Variants in PUM2 observed in about 807,000 individuals in gnomAD.
The protein encoded by PUM2 is pumilio homolog 2.
PUM2 carries 57 observed loss-of-function variants against 124.5 expected under a neutral mutation model. The ratio of observed to expected loss-of-function variants is 0.46; its 90% confidence interval spans 0.37 to 0.57. The LOEUF (loss-of-function observed/expected upper bound fraction) is 0.57. Among genes scored for constraint, PUM2 ranks in the 20% least tolerant of loss-of-function variants. PUM2 has a pLI of 0.00. For missense variants in PUM2, 1,065 were observed against 1,290.6 expected, an observed-to-expected ratio of 0.83 and a Z score of 2.68; for synonymous variants, 460 against 446.1, an observed-to-expected ratio of 1.03 and a Z score of -0.39.
chr2:20,318,057 T>C (rs1432324481), intron 3 of PUM2, among the ~76,000 whole-genome samples: 2 of 152,226 alleles, frequency 1.3e-5, no homozygotes, highest in Admixed American at 6.5e-5. Context: ...TACCCAATAA[T>C]GGGATTGCTG....
chr2:20,309,770 C>A (rs1048677455), intron 5 of PUM2, among the ~76,000 whole-genome samples: 9 of 152,104 alleles, frequency 5.9e-5, no homozygotes, highest in African/African-American at 2.2e-4. Flanking sequence ...TTCAGGTGGT[C>A]TGAATTGGAA....
chr2:20,281,286 A>G (rs1449915741), intron 12 of PUM2, among the ~76,000 whole-genome samples: 2 of 152,188 alleles, frequency 1.3e-5, no homozygotes, highest in Admixed American at 6.5e-5. Context: ...TGTGAAGGTT[A>G]GTTTTGGGGA....
intron 10 of PUM2, among the ~76,000 whole-genome samples, chr2:20,287,340 T>C (rs1358607679): frequency 6.6e-6 from 1 of 152,130 alleles, no homozygotes; most frequent in East Asian, 1.9e-4. Flanking sequence ...GGAGTAATTA[T>C]CAATGAATGA....
Position 20,269,436 on chromosome 2 carries a change from C to T in PUM2, c.1958-5976G>A, listed in dbSNP as rs576650823. Among the ~76,000 whole-genome samples the T allele has an allele frequency of 5.9e-5, 9 of 152,122 alleles. No individual in the cohort carries two copies. In the South Asian group the frequency reaches 1.7e-3, roughly 28 times the overall value. On this transcript the variant is annotated intron_variant, in intron 13 of 20. Transcript: ENST00000361078. ...CAGGATGGTCTTGATCTCCTGACCTCGTGATCCACCTGCCTTGGCCTCCCA... is the reference window on the plus strand; with the variant it reads ...CAGGATGGTCTTGATCTCCTGACCTTGTGATCCACCTGCCTTGGCCTCCCA...
chr2:20,251,656 A>C lies in PUM2; in HGVS notation c.3124T>G (p.Leu1042Val). 2 of 1,613,684 alleles carry C rather than the reference A, an allele frequency of 1.2e-6. No homozygotes were observed. Among genetic ancestry groups the C allele is most frequent in the African/African-American group, 1.3e-5 (1 of 74,980 alleles). The part of the protein sequence containing the change: ...YTYGKHILAK[L>V]EKYYLKNSPD... The stretch of plus-strand genomic sequence containing the variant: ...CTATTCTTCAAATAATACTTTTCCA[A>C]CTTGGCCAGTATATGCTTCCCGTAT... Residue 1042 changes from leucine to valine, a missense_variant, in exon 21 of 21, where the codon TTG (leucine) becomes GTG (valine). By Grantham distance (32) the Leu-to-Val change is conservative. This residue lies in a region of PUM2 where 968 missense variants were observed against 1,159.8 expected (regional missense o/e 0.83). Transcript: ENST00000361078.
chr2:20,254,839 T>G, intron 19 of PUM2, 24 bp downstream of exon 19: 1 of 1,608,468 alleles, frequency 6.2e-7, no homozygotes, highest in Admixed American at 1.7e-5. Flanking sequence ...AATTGACCCT[T>G]AAAATTACAA....
intron 9 of PUM2, 113 bp from the exon 10 acceptor site, chr2:20,290,903 T>A: frequency 1.2e-6 from 1 of 825,954 alleles, no homozygotes; most frequent in Non-Finnish European, 1.8e-6. Context: ...TTTAAACATT[T>A]ACATGCAAGG....
intron 19 of PUM2, 116 bp downstream of exon 19, chr2:20,254,747 T>C (rs192275331): frequency 2.6e-6 from 3 of 1,136,040 alleles, no homozygotes; most frequent in East Asian, 2.6e-5. Context: ...ATTTTAATGA[T>C]ACCAAAAAAA....
intron 13 of PUM2, among the ~76,000 whole-genome samples, chr2:20,268,015 C>G (rs571615662): frequency 6.6e-6 from 1 of 152,078 alleles, no homozygotes; most frequent in Non-Finnish European, 1.5e-5. Context: ...GCAGGTCCTC[C>G]GCGGGGCAAG....
chr2:20,303,468 A>T (rs1677488542), intron 7 of PUM2, among the ~76,000 whole-genome samples: 1 of 151,666 alleles, frequency 6.6e-6, no homozygotes, highest in Non-Finnish European at 1.5e-5. Context: ...GAGAAAAAAA[A>T]ACCTGCTGGG....
At chr2:20,262,765 A>G (rs1666611584) in intron 14 of PUM2, among the ~76,000 whole-genome samples, 1 of 152,222 alleles carries the variant, frequency 6.6e-6, no homozygotes, top group African/African-American at 2.4e-5. Flanking sequence ...GTAAAAAGGC[A>G]CCAAATTTTC....
chr2:20,299,342 G>A (rs963925567), intron 7 of PUM2, among the ~76,000 whole-genome samples: 4 of 152,018 alleles, frequency 2.6e-5, no homozygotes, highest in African/African-American at 9.7e-5. Flanking sequence ...GAAGTAGTCT[G>A]TGTTGTCATG....
At position 20,255,326 on chromosome 2, in the gene PUM2, T is replaced by C; in HGVS notation, c.2638A>G (p.Thr880Ala). Reference sequence around the variant, plus strand: ...ATTACTCTGCAGCCATAAGGATGAGTTGAAAGCACAAATACCTGAGGACAA... The same window carrying C: ...ATTACTCTGCAGCCATAAGGATGAGCTGAAAGCACAAATACCTGAGGACAA... Reference protein sequence around the residue: ...AFKGQVFVLSTHPYGCRVIQR... With the variant: ...AFKGQVFVLSAHPYGCRVIQR... Residue 880 changes from threonine to alanine, a missense_variant, in exon 18 of 21, where the codon ACT (threonine) becomes GCT (alanine). Thr to Ala is a moderately conservative substitution (Grantham distance 58, BLOSUM62 0). Coordinates refer to ENST00000361078, the MANE Select transcript of PUM2 (RefSeq NM_015317.5). 3 of 1,612,538 alleles carry C rather than the reference T, an allele frequency of 1.9e-6. No homozygotes were observed. Among genetic ancestry groups the C allele is most frequent in the African/African-American group, 1.3e-5 (1 of 75,014 alleles).
At chr2:20,280,388 T>A (rs959237104) in intron 12 of PUM2, among the ~76,000 whole-genome samples, 2 of 152,174 alleles carry the variant, frequency 1.3e-5, no homozygotes, top group African/African-American at 4.8e-5. Flanking sequence ...AATAAACAGT[T>A]ATTCTTGAGT....
At chr2:20,306,424 A>G (rs1678308926) in intron 7 of PUM2, among the ~76,000 whole-genome samples, 1 of 152,170 alleles carries the variant, frequency 6.6e-6, no homozygotes, top group Non-Finnish European at 1.5e-5. Context: ...CTAATAATAT[A>G]AAGCCTCGAG....
chr2:20,254,943 G>C lies in PUM2; in HGVS notation c.2790C>G (p.His930Gln), dbSNP rs34213990. 1 of 1,613,556 alleles carries C rather than the reference G, an allele frequency of 6.2e-7. No individual in the cohort carries two copies. The highest frequency in any genetic ancestry group is 2.2e-5 in the East Asian group (1 of 44,862). Residue 930 changes from histidine to glutamine, a missense_variant, in exon 19 of 21, where the codon CAC (histidine) becomes CAG (glutamine). Around this residue, in one of 3 missense-constraint regions of PUM2, gnomAD observed 968 missense variants for 1,159.8 expected, o/e 0.83. Coordinates refer to ENST00000361078, the MANE Select transcript of PUM2 (RefSeq NM_015317.5). ...GNYVIQHVLE[H>Q]GRPEDKSKIV... is the part of the protein sequence containing the mutation. ...TTTTGCTCTTGTCTTCAGGTCGACC[G>C]TGTTCCAGTACATGCTGAATAACAT...
intron 13 of PUM2, among the ~76,000 whole-genome samples, chr2:20,266,451 G>GAAACA (rs1572604039): frequency 3.3e-5 from 4 of 120,394 alleles, no homozygotes; most frequent in Admixed American, 8.5e-5. Context: ...TCTCAAAAAC[G>GAAACA]AAACAAAACA....
intron 1 of PUM2, among the ~76,000 whole-genome samples, chr2:20,332,141 GT>G (rs1217129582): frequency 6.6e-6 from 1 of 152,192 alleles, no homozygotes; most frequent in African/African-American, 2.4e-5. Flanking sequence ...GCAGGCCATA[GT>G]TTGCAGACCT....
intron 15 of PUM2, 145 bp from the exon 16 acceptor site, chr2:20,258,516 G>A (rs1217867719): frequency 7.5e-6 from 5 of 664,812 alleles, no homozygotes; most frequent in African/African-American, 1.9e-5. Context: ...AAGATAGACT[G>A]GGAAATGTTT....
Sources: allele counts gnomAD v4.1 joint callset (sites outside exome capture counted in the v4.1 genomes callset), GRCh38; gene constraint gnomAD v4.1.1; regional missense constraint gnomAD v4.1.1; transcripts MANE v1.5; gene names NCBI Gene and HGNC (gene_info 2026-07-23, HGNC 2026-07-21).